The following LARGE1 variants were observed in gnomAD, a reference collection of about 807,000 sequenced individuals.
The protein encoded by LARGE1 is LARGE xylosyl- and glucuronyltransferase 1.
LARGE1 carries 43 observed loss-of-function variants against 87.6 expected under a neutral mutation model. The observed-to-expected ratio is 0.49, with a 90% confidence interval of 0.38 to 0.63. LARGE1 has a LOEUF of 0.63. LARGE1 is among the 30% of genes least tolerant of loss of function. The probability of loss-of-function intolerance (pLI) is 0.00; values close to 1 mark genes in which losing one functional copy is unlikely to be tolerated. For missense variants in LARGE1, 802 were observed against 1,000.2 expected, an observed-to-expected ratio of 0.80 and a Z score of 2.67; for synonymous variants, 434 against 394.6, an observed-to-expected ratio of 1.10 and a Z score of -1.18.
chr22:33,551,471 C>T (rs2077519131), intron 6 of LARGE1, among the ~76,000 whole-genome samples: 1 of 152,306 alleles, frequency 6.6e-6, no homozygotes, highest in South Asian at 2.1e-4. Flanking sequence ...GCTATTAGTT[C>T]AATTTGGCCT....
At chr22:33,623,888 G>A (rs1413362220) in intron 4 of LARGE1, among the ~76,000 whole-genome samples, 1 of 151,944 alleles carries the variant, frequency 6.6e-6, no homozygotes, top group African/African-American at 2.4e-5. Context: ...AAATTAGCTG[G>A]GTGTGGTGGC....
the LARGE1 span, among the ~76,000 whole-genome samples, chr22:33,101,813 C>G: frequency 9.9e-5 from 15 of 152,160 alleles, no homozygotes; most frequent in Non-Finnish European, 1.0e-4. Context: ...AGTCCCTGCA[C>G]AATGTCACAT....
At chr22:33,838,366 T>TGTTTTAAAAA (rs1240539449) in intron 1 of LARGE1, among the ~76,000 whole-genome samples, 1 of 152,180 alleles carries the variant, frequency 6.6e-6, no homozygotes, top group Non-Finnish European at 1.5e-5. Context: ...TGGACAGGTG[T>TGTTTTAAAAA]AGTGGCTCAT....
intron 7 of LARGE1, among the ~76,000 whole-genome samples, chr22:33,413,704 A>T (rs2066390891): frequency 6.6e-6 from 1 of 151,804 alleles, no homozygotes; most frequent in South Asian, 2.1e-4. Context: ...TGACCTTGTG[A>T]TCTGCCCGCC....
At chr22:33,311,188 C>G (rs1265070870) in intron 11 of LARGE1, among the ~76,000 whole-genome samples, 4 of 152,118 alleles carry the variant, frequency 2.6e-5, no homozygotes, top group Non-Finnish European at 5.9e-5. Flanking sequence ...TCTCCATCTC[C>G]TGACCTTGTG....
At chr22:33,125,424 G>A in the LARGE1 span, among the ~76,000 whole-genome samples, 1 of 151,384 alleles carries the variant, frequency 6.6e-6, no homozygotes, top group African/African-American at 2.4e-5. Context: ...AGGCTGTGAA[G>A]ACGAGTACAC....
chr22:33,747,047 ATT>A (rs1164977873), intron 2 of LARGE1, among the ~76,000 whole-genome samples: 6 of 152,190 alleles, frequency 3.9e-5, no homozygotes, highest in Non-Finnish European at 8.8e-5. Flanking sequence ...AAGTCTATAT[ATT>A]AAACAAATGC....
chr22:33,896,629 G>A (rs1331218090), intron 1 of LARGE1, among the ~76,000 whole-genome samples: 2 of 152,150 alleles, frequency 1.3e-5, no homozygotes, highest in African/African-American at 4.8e-5. Flanking sequence ...CAATGATGCC[G>A]TCACCTTGCT....
intron 10 of LARGE1, among the ~76,000 whole-genome samples, chr22:33,322,161 T>G (rs764008818): frequency 2.6e-5 from 4 of 152,148 alleles, no homozygotes; most frequent in Non-Finnish European, 5.9e-5. Flanking sequence ...TACCCTTGAG[T>G]TGGGGAAAAA....
intron 11 of LARGE1, among the ~76,000 whole-genome samples, chr22:33,167,707 G>C (rs1203431115): frequency 6.6e-6 from 1 of 152,152 alleles, no homozygotes; most frequent in Non-Finnish European, 1.5e-5. Flanking sequence ...CTTAACCATA[G>C]TGTTTTTGAT....
intron 1 of LARGE1, among the ~76,000 whole-genome samples, chr22:33,851,389 C>CCAA (rs2146506596): frequency 6.6e-6 from 1 of 152,300 alleles, no homozygotes; most frequent in South Asian, 2.1e-4. Flanking sequence ...GCACACTTAC[C>CCAA]CAACCTTTGC....
intron 7 of LARGE1, among the ~76,000 whole-genome samples, chr22:33,393,262 A>G (rs2065596366): frequency 6.6e-6 from 1 of 152,224 alleles, no homozygotes; most frequent in Non-Finnish European, 1.5e-5. Context: ...AACTCTGTTT[A>G]TTGACCTTGC....
chr22:33,149,547 C>T, the LARGE1 span, among the ~76,000 whole-genome samples: 1 of 152,128 alleles, frequency 6.6e-6, no homozygotes, highest in Admixed American at 6.5e-5. Flanking sequence ...CCTATTGCTG[C>T]CATAACAAAT....
chr22:33,521,217 G>A (rs1052376302), intron 6 of LARGE1, among the ~76,000 whole-genome samples: 2 of 152,254 alleles, frequency 1.3e-5, no homozygotes, highest in Admixed American at 6.5e-5. Context: ...CAGCATTGCT[G>A]TGTAACAAGT....
chr22:33,843,228 T>G (rs1329873843), intron 1 of LARGE1, among the ~76,000 whole-genome samples: 2 of 151,838 alleles, frequency 1.3e-5, no homozygotes, highest in Non-Finnish European at 2.9e-5. Context: ...CTGCAGTGGG[T>G]CGGGAGTATG....
At chr22:33,654,451 G>A (rs952496878) in intron 2 of LARGE1, among the ~76,000 whole-genome samples, 2 of 152,170 alleles carry the variant, frequency 1.3e-5, no homozygotes, top group Admixed American at 6.5e-5. Context: ...TCCCAACACC[G>A]CATGATCAGA....
chr22:33,440,526 T>C (rs1219641357), intron 6 of LARGE1, among the ~76,000 whole-genome samples: 4 of 152,198 alleles, frequency 2.6e-5, no homozygotes, highest in Admixed American at 6.5e-5. Flanking sequence ...GAGAACCTAA[T>C]AGTGCTCTCC....
At chr22:33,179,162 A>C (rs567440562) in intron 11 of LARGE1, among the ~76,000 whole-genome samples, 1 of 152,308 alleles carries the variant, frequency 6.6e-6, no homozygotes, top group Admixed American at 6.5e-5. Flanking sequence ...TCAACATATA[A>C]ATTTTGAATA....
chr22:33,513,689 GTTCATTT>G (rs1226942751), intron 6 of LARGE1, among the ~76,000 whole-genome samples: 3 of 152,144 alleles, frequency 2.0e-5, no homozygotes, highest in African/African-American at 7.2e-5. Context: ...AGAGACAAGA[GTTCATTT>G]TTCTAATCCC....
Sources: gnomAD v4.1 joint callset for allele counts (sites outside exome capture counted in the v4.1 genomes callset) on GRCh38, gnomAD v4.1.1 for gene constraint, MANE v1.5 for transcripts, NCBI Gene and HGNC (gene_info 2026-07-23, HGNC 2026-07-21) for gene names.